KCTD1: variants seen among roughly 807,000 people sequenced by gnomAD.
The protein encoded by KCTD1 is BTB/POZ domain-containing protein KCTD1.
A neutral mutation model predicts 66.0 loss-of-function variants in KCTD1; 24 were observed. The ratio of observed to expected loss-of-function variants is 0.36; its 90% CI spans 0.26 to 0.51. KCTD1 has a LOEUF of 0.51. Among genes scored for constraint, KCTD1 ranks in the 20% least tolerant of loss-of-function variants. The probability of loss-of-function intolerance (pLI) is 0.95; values close to 1 mark genes in which losing one functional copy is unlikely to be tolerated. For missense variants in KCTD1, 943 were observed against 1,205.2 expected (o/e 0.78, Z 3.22); for synonymous variants, 511 against 517.2 (o/e 0.99, Z 0.16).
At chr18:26,466,892 C>T (rs1464507071) in intron 3 of KCTD1, among the ~76,000 whole-genome samples, 1 of 152,130 alleles carries the variant, frequency 6.6e-6, no homozygotes, top group Admixed American at 6.5e-5. Flanking sequence ...GACAAGGCAA[C>T]CACACAAATC....
chr18:26,627,564 T>A (rs777945591), intron 1 of KCTD1, among the ~76,000 whole-genome samples: 5 of 152,194 alleles, frequency 3.3e-5, no homozygotes, highest in Non-Finnish European at 5.9e-5. Flanking sequence ...AGAAAAATTC[T>A]CTTTTTGGAA....
At chr18:26,589,219 G>A (rs1411596542) in intron 1 of KCTD1, among the ~76,000 whole-genome samples, 6 of 152,198 alleles carry the variant, frequency 3.9e-5, no homozygotes, top group African/African-American at 9.6e-5. Context: ...GACAAGACTC[G>A]GGCCTGTGGC....
chr18:26,594,077 T>C (rs1986711764), intron 1 of KCTD1, among the ~76,000 whole-genome samples: 1 of 152,228 alleles, frequency 6.6e-6, no homozygotes, highest in African/African-American at 2.4e-5. Flanking sequence ...ACAAGTGGCA[T>C]GATTTACCAT....
chr18:26,578,957 G>A (rs1021218930), intron 1 of KCTD1, among the ~76,000 whole-genome samples: 3 of 152,132 alleles, frequency 2.0e-5, no homozygotes, highest in African/African-American at 7.2e-5. Flanking sequence ...CATGCCAATT[G>A]CATAGGAAAT....
At chr18:26,635,980 G>C (rs1425473539) in intron 1 of KCTD1, among the ~76,000 whole-genome samples, 1 of 152,158 alleles carries the variant, frequency 6.6e-6, no homozygotes, top group Admixed American at 6.5e-5. Flanking sequence ...ACACACCAGG[G>C]AACTGCAGGA....
chr18:26,634,901 C>T (rs987246443), intron 1 of KCTD1, among the ~76,000 whole-genome samples: 4 of 152,172 alleles, frequency 2.6e-5, no homozygotes, highest in African/African-American at 7.2e-5. Flanking sequence ...ATTTGCTAAA[C>T]GCCCTCTGAG....
chr18:26,540,617 T>A (rs1984932887), intron 1 of KCTD1, among the ~76,000 whole-genome samples: 1 of 152,196 alleles, frequency 6.6e-6, no homozygotes, highest in Admixed American at 6.5e-5. Context: ...AACCTGAAGA[T>A]GACAAGGAGA....
At chr18:26,626,621 G>A (rs762883081) in intron 1 of KCTD1, among the ~76,000 whole-genome samples, 5 of 151,948 alleles carry the variant, frequency 3.3e-5, no homozygotes, top group Non-Finnish European at 5.9e-5. Flanking sequence ...CCACAGGCAC[G>A]GGCCACCATG....
intron 3 of KCTD1, among the ~76,000 whole-genome samples, chr18:26,471,343 T>A (rs1981051688): frequency 6.6e-6 from 1 of 151,906 alleles, no homozygotes. Context: ...TGATTTTCCA[T>A]GTACTGAACC....
intron 1 of KCTD1, among the ~76,000 whole-genome samples, chr18:26,537,521 A>G (rs1984764047): frequency 6.6e-6 from 1 of 152,210 alleles, no homozygotes; most frequent in Non-Finnish European, 1.5e-5. Context: ...ATACCAACCA[A>G]TTATCTTAAT....
At chr18:26,647,828 C>A (rs1012398194) in intron 1 of KCTD1, among the ~76,000 whole-genome samples, 1 of 150,636 alleles carries the variant, frequency 6.6e-6, no homozygotes, top group African/African-American at 2.4e-5. Flanking sequence ...TCACCTAGAT[C>A]TTTTTTTTTG....
intron 1 of KCTD1, among the ~76,000 whole-genome samples, chr18:26,528,643 A>G (rs1984285949): frequency 6.6e-6 from 1 of 152,038 alleles, no homozygotes; most frequent in African/African-American, 2.4e-5. Flanking sequence ...GGCTCCCTCA[A>G]TTCTCGCCAA....
At chr18:26,482,071 A>G (rs144989227) in intron 2 of KCTD1, among the ~76,000 whole-genome samples, 1 of 152,190 alleles carries the variant, frequency 6.6e-6, no homozygotes, top group African/African-American at 2.4e-5. Flanking sequence ...ACAAATATGT[A>G]ACACTCAAGG....
At chr18:26,539,889 C>A (rs989683654) in intron 1 of KCTD1, among the ~76,000 whole-genome samples, 1 of 152,068 alleles carries the variant, frequency 6.6e-6, no homozygotes, top group African/African-American at 2.4e-5. Context: ...ATCAAGTTTA[C>A]ATATACATAT....
At chr18:26,533,854 C>G (rs953786587) in intron 1 of KCTD1, among the ~76,000 whole-genome samples, 2 of 146,384 alleles carry the variant, frequency 1.4e-5, no homozygotes, top group Admixed American at 1.4e-4. Flanking sequence ...AAAAAGCAAG[C>G]CATGGAATTT....
intron 1 of KCTD1, among the ~76,000 whole-genome samples, chr18:26,525,469 C>G (rs1272557598): frequency 6.6e-6 from 1 of 152,180 alleles, no homozygotes; most frequent in Non-Finnish European, 1.5e-5. Flanking sequence ...CACCTCACCC[C>G]CTTCTCTGCA....
chr18:26,562,433 TG>T (rs886299588), intron 1 of KCTD1, among the ~76,000 whole-genome samples: 5 of 5,552 alleles, frequency 9.0e-4, no homozygotes, highest in South Asian at 5.7e-3. Context: ...CGGTGGGGGG[TG>T]GGGGGGTGGG....
At chr18:26,572,640 G>C (rs970106856) in intron 1 of KCTD1, among the ~76,000 whole-genome samples, 2 of 152,146 alleles carry the variant, frequency 1.3e-5, no homozygotes. Flanking sequence ...TTTGATGCAG[G>C]GACTGCAAAG....
intron 1 of KCTD1, among the ~76,000 whole-genome samples, chr18:26,651,987 G>C (rs921494102): frequency 6.6e-6 from 1 of 152,002 alleles, no homozygotes; most frequent in African/African-American, 2.4e-5. Flanking sequence ...CAGGGAGATA[G>C]GTATTCCAGA....
Sources: gnomAD v4.1 joint callset for allele counts (sites outside exome capture counted in the v4.1 genomes callset) on GRCh38, gnomAD v4.1.1 for gene constraint, MANE v1.5 for transcripts, NCBI Gene and HGNC (gene_info 2026-07-23, HGNC 2026-07-21) for gene names.